Variants in PATE4 observed in about 807,000 individuals in gnomAD.
The protein encoded by PATE4 is prostate and testis expressed protein 4.
PATE4 carries 13 observed loss-of-function variants against 8.5 expected under a neutral mutation model. That is an observed-to-expected ratio of 1.53 (90% CI 1.00 to 2.43). PATE4 has a LOEUF of 2.43. Among genes scored for constraint, PATE4 ranks in the 30% most tolerant of loss-of-function variants. The pLI is 0.00. For missense variants in PATE4, 127 were observed against 115.5 expected (o/e 1.10, Z -0.46); for synonymous variants, 47 against 39.3 (o/e 1.20, Z -0.73).
rs952990490 is a variant in PATE4, at chr11:125,840,008, A to G, written c.*1581A>G. ...GTTATTGTTTTTATATTCAGTCTTT[A>G]ACCTATGTGAAGCCACCTTTGTAAT... On this transcript the variant is annotated 3_prime_UTR_variant, in exon 3 of 3. Coordinates refer to ENST00000457514, the MANE Select transcript of PATE4 (RefSeq NM_001144874.1). 3.9e-5 allele frequency: 6 copies of G among 152,176 alleles called. No homozygotes were observed. The highest frequency in any genetic ancestry group is 1.3e-4 in the Admixed American group (2 of 15,278). 9.4% of individuals were successfully genotyped at this position (152,176 alleles called of 1,614,324 possible).
rs532102176 is a variant in PATE4 at position 125,838,100 on chromosome 11, A to G, written c.175+116A>G. The G allele has an allele frequency of 3.8e-5, 38 of 1,010,952 alleles. No homozygotes were observed. The South Asian group carries it at 5.0e-4, about 13-fold the overall frequency. 62.6% of individuals were successfully genotyped at this position (1,010,952 alleles called of 1,614,324 possible). On this transcript the variant is annotated intron_variant, in intron 2 of 2. Coordinates refer to ENST00000457514, the MANE Select transcript of PATE4 (RefSeq NM_001144874.1). The stretch of plus-strand genomic sequence containing the variant: ...TCTGCTAGGAGGTAAGGCAAGGAAT[A>G]AAAGAGGGGGCAAGAAGGGATAATT...
chr11:125,837,340 A>G (rs1943927820), intron 1 of PATE4, among the ~76,000 whole-genome samples: 1 of 152,180 alleles, frequency 6.6e-6, no homozygotes, highest in Non-Finnish European at 1.5e-5. Context: ...AGATGGAGCT[A>G]TCAGAGGGTG....
rs1397275377 is a variant in PATE4 at position 125,837,907 on chromosome 11, G to A, written c.98G>A (p.Gly33Glu). Reference protein sequence around the residue: ...LKCNTCIYTEGWKCMAGRGTC... With the variant: ...LKCNTCIYTEEWKCMAGRGTC... ...TGTAATACCTGCATATACACAGAAG[G>A]ATGGAAGTGTATGGCAGGCCGAGGC... The change falls in exon 2 of 3, where the codon GGA (glycine) becomes GAA (glutamate). Residue 33 changes from glycine to glutamate, a missense_variant. By Grantham distance (98) the Gly-to-Glu change is moderately conservative. Coordinates refer to ENST00000457514, the MANE Select transcript of PATE4 (RefSeq NM_001144874.1). 1 of 1,551,554 alleles carries A rather than the reference G, an allele frequency of 6.4e-7. No individual in the cohort carries two copies. Among genetic ancestry groups the A allele is most frequent in the Middle Eastern group, 1.7e-4 (1 of 5,992 alleles).
intron 2 of PATE4, 101 bp from the exon 3 acceptor site, chr11:125,838,205 G>C (rs1565435278): frequency 1.4e-5 from 19 of 1,310,508 alleles, no homozygotes; most frequent in Admixed American, 2.7e-5. Context: ...AGCCGGGAAG[G>C]AGACCCAGTG....
At chr11:125,837,770 A>G in intron 1 of PATE4, 98 bp from the exon 2 acceptor site, 2 of 738,048 alleles carry the variant, frequency 2.7e-6, no homozygotes, top group Middle Eastern at 3.3e-4. Flanking sequence ...GAGTGAGTGG[A>G]CAGTATCGTC....
At chr11:125,833,883 A>G (rs1378356624) in intron 1 of PATE4, among the ~76,000 whole-genome samples, 4 of 152,098 alleles carry the variant, frequency 2.6e-5, no homozygotes, top group Non-Finnish European at 5.9e-5. Context: ...ATATGCTGAA[A>G]ATGCCCAGTT....
At position 125,839,289 on chromosome 11, in the gene PATE4, AG is replaced by A. The variant is rs1363656097; in HGVS notation, c.*865del. On this transcript the variant is annotated 3_prime_UTR_variant, in exon 3 of 3. Transcript: ENST00000457514. ...TAGGTGACAACAGTATCCACCGCTC[AG>A]GGCTTACAGTGACCTGCAGGAAGAG... 7 of 152,252 alleles carry A rather than the reference AG, an allele frequency of 4.6e-5. No individual in the cohort carries two copies. The highest frequency in any genetic ancestry group is 4.6e-4 in the Admixed American group (7 of 15,282). The allele number at this position is 152,252 out of a possible 1,614,324, so 9.4% of individuals were successfully genotyped here.
intron 1 of PATE4, 41 bp from the exon 2 acceptor site, chr11:125,837,827 C>T (rs1043581754): frequency 7.6e-6 from 11 of 1,453,178 alleles, no homozygotes; most frequent in Middle Eastern, 3.5e-4. Flanking sequence ...TTCCATTGTC[C>T]CACAATCCAG....
In PATE4 at chr11:125,839,072, C is replaced by T. The variant is rs1943941420; in HGVS notation, c.*645C>T. ...GCCCTGCTGACACCTTGATTTAAGC[C>T]CTGTAAGACTCATTTTGGATGTCTG... On this transcript the variant is annotated 3_prime_UTR_variant, in exon 3 of 3. Transcript: ENST00000457514. 1 of 152,152 alleles carries T rather than the reference C, an allele frequency of 6.6e-6. No homozygotes were observed. Among genetic ancestry groups the T allele is most frequent in the Non-Finnish European group, 1.5e-5 (1 of 68,044 alleles). 9.4% of individuals were successfully genotyped at this position (152,152 alleles called of 1,614,324 possible). A position where few individuals can be genotyped will look rare whatever the true frequency, so the allele number is the denominator to read the frequency against.
Position 125,839,980 on chromosome 11 carries a change from T to C in PATE4, c.*1553T>C, listed in dbSNP as rs1943949955. On this transcript the variant is annotated 3_prime_UTR_variant, in exon 3 of 3. Coordinates refer to ENST00000457514, the MANE Select transcript of PATE4 (RefSeq NM_001144874.1). ...AGGGTCTCTGGGGACTTTGTTTTGATTTGTTATTGTTTTTATATTCAGTCT... is the reference window on the plus strand; with the variant it reads ...AGGGTCTCTGGGGACTTTGTTTTGACTTGTTATTGTTTTTATATTCAGTCT... The C allele has an allele frequency of 1.3e-5, 2 of 152,282 alleles. No individual in the cohort carries two copies. The highest frequency in any genetic ancestry group is 4.2e-4 in the South Asian group (2 of 4,814). The allele number at this position is 152,282 out of a possible 1,614,324, so 9.4% of individuals were successfully genotyped here.
At position 125,839,709 on chromosome 11, in the gene PATE4, ACT is replaced by A. The variant is rs1430717142; in HGVS notation, c.*1286_*1287del. ...AAGAGAAGAGAGATTGTGCAGGAAA[ACT>A]CTCCCTTATAATAACCATCAGATCT... is the stretch of plus-strand genomic sequence containing the variant. On this transcript the variant is annotated 3_prime_UTR_variant, in exon 3 of 3. Transcript: ENST00000457514. 6.6e-6 allele frequency: 1 copy of A among 151,768 alleles called. No homozygotes were observed. Among genetic ancestry groups the A allele is most frequent in the Non-Finnish European group, 1.5e-5 (1 of 67,980 alleles). The allele number at this position is 151,768 out of a possible 1,614,324, so 9.4% of individuals were successfully genotyped here. A position where few individuals can be genotyped will look rare whatever the true frequency, so the allele number is the denominator to read the frequency against.
rs1044268153 is a variant in PATE4 at position 125,839,024 on chromosome 11, C to T, written c.*597C>T. ...TGAAAAAGTCAAGGAAATAGGTTCT[C>T]CCCTCAGAGCCTCCAGAAACCAGCC... On this transcript the variant is annotated 3_prime_UTR_variant, in exon 3 of 3. Transcript: ENST00000457514. 6 of 152,256 alleles carry T rather than the reference C, an allele frequency of 3.9e-5. No homozygotes were observed. The highest frequency in any genetic ancestry group is 1.4e-4 in the African/African-American group (6 of 41,440). The allele number at this position is 152,256 out of a possible 1,614,324, so 9.4% of individuals were successfully genotyped here.
chr11:125,837,516 T>A (rs1263252336), intron 1 of PATE4, among the ~76,000 whole-genome samples: 1 of 152,192 alleles, frequency 6.6e-6, no homozygotes, highest in Non-Finnish European at 1.5e-5. Context: ...GCTAAAGTAT[T>A]CCCCTGCTTT....
At chr11:125,834,559 A>T (rs1268450035) in intron 1 of PATE4, among the ~76,000 whole-genome samples, 4 of 152,216 alleles carry the variant, frequency 2.6e-5, no homozygotes. Flanking sequence ...TTGTGGTGAG[A>T]CAAGAATTTT....
At chr11:125,833,485 A>G (rs1943901286) in intron 1 of PATE4, 68 bp downstream of exon 1, 1 of 1,407,696 alleles carries the variant, frequency 7.1e-7, no homozygotes, top group Non-Finnish European at 9.8e-7. Flanking sequence ...TCTACTCTCC[A>G]AGTCTCACTC....
chr11:125,838,217 TA>T, intron 2 of PATE4, 88 bp from the exon 3 acceptor site: 1 of 1,371,892 alleles, frequency 7.3e-7, no homozygotes, highest in Non-Finnish European at 9.7e-7. Flanking sequence ...GACCCAGTGT[TA>T]AGTGCTATTC....
intron 1 of PATE4, 99 bp from the exon 2 acceptor site, chr11:125,837,769 G>A: frequency 1.4e-6 from 1 of 734,792 alleles, no homozygotes. Flanking sequence ...GGAGTGAGTG[G>A]ACAGTATCGT....
chr11:125,833,400 T>A lies in PATE4; in HGVS notation c.41T>A (p.Phe14Tyr). ...ACACTGCTCCTTGTGAGCTTATCTT[T>A]TCTCTACCTCAAAGAGGGTAAGTTT... ...MNTLLLVSLS[F>Y]LYLKEVMGLK... Residue 14 changes from phenylalanine (F) to tyrosine (Y), a missense_variant, in exon 1 of 3, where the codon TTT becomes TAT. Phe to Tyr is a conservative substitution (Grantham distance 22). Coordinates refer to ENST00000457514, the MANE Select transcript of PATE4 (RefSeq NM_001144874.1). 1 of 1,551,528 alleles carries A rather than the reference T, an allele frequency of 6.4e-7. No homozygotes were observed. Among genetic ancestry groups the A allele is most frequent in the Non-Finnish European group, 8.7e-7 (1 of 1,146,876 alleles).
At position 125,837,877 on chromosome 11, in the gene PATE4, T is replaced by C. The variant is rs1161644126; in HGVS notation, c.68T>C (p.Leu23Pro). 6.4e-7 allele frequency: 1 copy of C among 1,550,894 alleles called. No individual in the cohort carries two copies. The highest frequency in any genetic ancestry group is 8.7e-7 in the Non-Finnish European group (1 of 1,146,458). Reference sequence around the variant, plus strand: ...TCTCTCCACCCTGCAGTTATGGGTCTGAAGTGTAATACCTGCATATACACA... The same window carrying C: ...TCTCTCCACCCTGCAGTTATGGGTCCGAAGTGTAATACCTGCATATACACA... ...SFLYLKEVMG[L>P]KCNTCIYTEG... is the part of the protein sequence containing the mutation. Residue 23 changes from leucine to proline, a missense_variant, in exon 2 of 3, where the codon CTG becomes CCG. Transcript: ENST00000457514.
Sources: allele counts gnomAD v4.1 joint callset (sites outside exome capture counted in the v4.1 genomes callset), GRCh38; gene constraint gnomAD v4.1.1; transcripts MANE v1.5; gene names NCBI Gene and HGNC (gene_info 2026-07-23, HGNC 2026-07-21).